Variants in LARGE1 observed in about 807,000 individuals in gnomAD.
The protein encoded by LARGE1 is LARGE xylosyl- and glucuronyltransferase 1.
A neutral mutation model predicts 87.6 loss-of-function variants in LARGE1; 43 were observed. That is an observed-to-expected ratio of 0.49 (90% CI 0.38 to 0.63). The LOEUF (loss-of-function observed/expected upper bound fraction) is 0.63, where lower values mean the gene tolerates loss of function less well. Among genes scored for constraint, LARGE1 ranks in the 30% least tolerant of loss-of-function variants. The pLI is 0.00. For synonymous variants in LARGE1, 434 were observed against 394.6 expected (o/e 1.10, Z -1.18); for missense variants, 802 against 1,000.2 (o/e 0.80, Z 2.67).
At chr22:33,115,358 C>A in the LARGE1 span, among the ~76,000 whole-genome samples, 15 of 151,666 alleles carry the variant, frequency 9.9e-5, no homozygotes, top group Non-Finnish European at 2.1e-4. Context: ...GAGGATGGAT[C>A]ACGAGGTCAG....
chr22:33,119,327 T>TTA, the LARGE1 span, among the ~76,000 whole-genome samples: 7 of 149,652 alleles, frequency 4.7e-5, no homozygotes, highest in Admixed American at 6.6e-5. Context: ...TCTAATGCTT[T>TTA]TATATATTTT....
In LARGE1 at chr22:33,626,293, T is replaced by C; in HGVS notation, c.442A>G (p.Asn148Asp). Residue 148 changes from asparagine to aspartate, a missense_variant, in exon 4 of 15, where the codon AAT becomes GAT. By Grantham distance (23) the Asn-to-Asp change is conservative. Transcript: ENST00000397394. ...IHVAIVCAGY[N>D]ASRDVVTLVK... ...AGGGTGACGACATCCCGGCTGGCAT[T>C]GTATCCGGCGCAGACAATAGCAACG... 2 of 1,614,088 alleles carry C rather than the reference T, an allele frequency of 1.2e-6. No homozygotes were observed. Among genetic ancestry groups the C allele is most frequent in the Non-Finnish European group, 1.7e-6 (2 of 1,179,982 alleles).
intron 1 of LARGE1, among the ~76,000 whole-genome samples, chr22:33,775,500 TA>T (rs2085204190): frequency 3.0e-5 from 1 of 33,620 alleles, no homozygotes; most frequent in Admixed American, 4.1e-4. Flanking sequence ...TGGTTCTCAA[TA>T]GGGGGTAATT....
intron 1 of LARGE1, among the ~76,000 whole-genome samples, chr22:33,846,548 A>G (rs977278950): frequency 6.6e-6 from 1 of 152,360 alleles, no homozygotes; most frequent in African/African-American, 2.4e-5. Context: ...AATAAGAGAG[A>G]TAACCTTAAA....
At chr22:33,580,943 C>T (rs1257667671) in intron 5 of LARGE1, among the ~76,000 whole-genome samples, 2 of 152,070 alleles carry the variant, frequency 1.3e-5, no homozygotes, top group African/African-American at 4.8e-5. Flanking sequence ...CAAAAGCATA[C>T]ATAACCGGTC....
At chr22:33,280,101 A>G (rs1371450026) in intron 13 of LARGE1, among the ~76,000 whole-genome samples, 2 of 152,230 alleles carry the variant, frequency 1.3e-5, no homozygotes, top group Non-Finnish European at 2.9e-5. Context: ...TGCTAGTTTT[A>G]TAACAAAGTG....
intron 6 of LARGE1, among the ~76,000 whole-genome samples, chr22:33,464,872 T>C (rs2068525928): frequency 8.4e-6 from 1 of 118,390 alleles, no homozygotes; most frequent in Non-Finnish European, 1.6e-5. Flanking sequence ...ACACACACAC[T>C]GCACACACAT....
intron 1 of LARGE1, among the ~76,000 whole-genome samples, chr22:33,837,299 T>C (rs112550660): frequency 0.018 from 2,745 of 151,964 alleles, 82 homozygotes; most frequent in African/African-American, 0.06. Context: ...TACATACATA[T>C]GTGTACATAT....
intron 2 of LARGE1, among the ~76,000 whole-genome samples, chr22:33,711,429 G>A (rs952331357): frequency 2.6e-5 from 4 of 152,116 alleles, no homozygotes; most frequent in African/African-American, 9.7e-5. Context: ...CTAAAATATT[G>A]AATAGACCAT....
chr22:33,126,385 G>T, the LARGE1 span, among the ~76,000 whole-genome samples: 2 of 152,280 alleles, frequency 1.3e-5, no homozygotes, highest in South Asian at 2.1e-4. Flanking sequence ...GGACTAAATG[G>T]CCACTGAGGT....
At chr22:33,816,456 T>A (rs2086649527) in intron 1 of LARGE1, among the ~76,000 whole-genome samples, 1 of 152,132 alleles carries the variant, frequency 6.6e-6, no homozygotes. Context: ...CCTCACATGG[T>A]GAAAGGCTCC....
chr22:33,548,387 T>C (rs2077426381), intron 6 of LARGE1, among the ~76,000 whole-genome samples: 1 of 151,248 alleles, frequency 6.6e-6, no homozygotes, highest in Admixed American at 6.7e-5. Context: ...TAAATCTCTT[T>C]TCATATAAAT....
chr22:33,902,875 T>C (rs2065323532), intron 1 of LARGE1, among the ~76,000 whole-genome samples: 1 of 152,216 alleles, frequency 6.6e-6, no homozygotes, highest in African/African-American at 2.4e-5. Context: ...CTTATGTCTG[T>C]AATCCCAGCA....
intron 6 of LARGE1, among the ~76,000 whole-genome samples, chr22:33,472,195 T>C (rs1382154511): frequency 1.3e-5 from 2 of 152,198 alleles, no homozygotes; most frequent in African/African-American, 2.4e-5. Flanking sequence ...GTTGGTTTCA[T>C]ATTTTCAAGC....
intron 5 of LARGE1, among the ~76,000 whole-genome samples, chr22:33,577,726 G>A (rs989161149): frequency 5.9e-5 from 9 of 152,210 alleles, no homozygotes; most frequent in East Asian, 1.9e-4. Context: ...TACTAGCTGC[G>A]GAGATACACC....
intron 1 of LARGE1, among the ~76,000 whole-genome samples, chr22:33,808,675 G>C (rs527645366): frequency 6.6e-6 from 1 of 152,360 alleles, no homozygotes; most frequent in East Asian, 1.9e-4. Flanking sequence ...CAATTTCACA[G>C]TGACGAGTAC....
intron 7 of LARGE1, among the ~76,000 whole-genome samples, chr22:33,395,827 C>T (rs1259072384): frequency 6.6e-6 from 1 of 152,152 alleles, no homozygotes; most frequent in Non-Finnish European, 1.5e-5. Context: ...GGAAGCAGGG[C>T]TAAATAAGTT....
chr22:33,865,599 G>A (rs1339235299), intron 1 of LARGE1, among the ~76,000 whole-genome samples: 3 of 152,138 alleles, frequency 2.0e-5, no homozygotes, highest in African/African-American at 7.2e-5. Context: ...ATCCCTTGCT[G>A]TACGCAGGGA....
chr22:33,287,119 G>A lies in LARGE1; in HGVS notation c.1731-3771C>T, dbSNP rs185510025. Among the ~76,000 whole-genome samples the A allele has an allele frequency of 4.6e-3, 706 of 152,294 alleles. 7 individuals carry two copies. The highest frequency in any genetic ancestry group is 7.6e-3 in the Non-Finnish European group (520 of 68,022). ...TGCAGAGGGGCCCAGAGCTGCCCTG[G>A]TTAATTGCTGTCTTATGTGTTGGTT... On this transcript the variant is annotated intron_variant, in intron 12 of 14. Coordinates refer to ENST00000397394, the MANE Select transcript of LARGE1 (RefSeq NM_133642.5).
Sources: allele counts gnomAD v4.1 joint callset (sites outside exome capture counted in the v4.1 genomes callset), GRCh38; gene constraint gnomAD v4.1.1; transcripts MANE v1.5; gene names NCBI Gene and HGNC (gene_info 2026-07-23, HGNC 2026-07-21).